The following GALNT1 variants were observed in gnomAD, a reference collection of about 807,000 sequenced individuals.
The protein encoded by GALNT1 is polypeptide N-acetylgalactosaminyltransferase 1, also known as GalNAc transferase 1.
In GALNT1, 17 loss-of-function variants were observed where a neutral mutation model predicts 65.7. The ratio of observed to expected loss-of-function variants is 0.26; its 90% CI spans 0.18 to 0.39. The LOEUF (loss-of-function observed/expected upper bound fraction) is 0.39. Ranked by LOEUF, GALNT1 falls within the 10% of genes least tolerant of loss-of-function variation. The pLI, the probability that GALNT1 is intolerant of heterozygous loss-of-function variation, is 1.00. For missense variants in GALNT1, 460 were observed against 672.8 expected (o/e 0.68, Z 3.50); for synonymous variants, 210 against 219.7 (o/e 0.96, Z 0.39).
At chr18:35,659,242 A>T (rs1292795190) in intron 2 of GALNT1, among the ~76,000 whole-genome samples, 2 of 152,118 alleles carry the variant, frequency 1.3e-5, no homozygotes, top group African/African-American at 4.8e-5. Flanking sequence ...AATAGAATGG[A>T]TTGATGTCAT....
chr18:35,635,833 T>C (rs1039531946), intron 1 of GALNT1, among the ~76,000 whole-genome samples: 1 of 152,154 alleles, frequency 6.6e-6, no homozygotes, highest in Non-Finnish European at 1.5e-5. Context: ...TAATGATATG[T>C]GTTATGTTAA....
At chr18:35,635,327 CCAGCT>C (rs2047074907) in intron 1 of GALNT1, among the ~76,000 whole-genome samples, 1 of 152,144 alleles carries the variant, frequency 6.6e-6, no homozygotes, top group Admixed American at 6.6e-5. Flanking sequence ...TACCATATGA[CCAGCT>C]CTGGTAACTG....
chr18:35,625,827 T>C (rs565610470), intron 1 of GALNT1, among the ~76,000 whole-genome samples: 9 of 152,256 alleles, frequency 5.9e-5, no homozygotes, highest in African/African-American at 2.2e-4. Flanking sequence ...TCCAACGCAG[T>C]GTTCTCTTGT....
chr18:35,671,828 A>G (rs73948113), intron 3 of GALNT1, among the ~76,000 whole-genome samples: 2,587 of 152,302 alleles, frequency 0.017, 41 homozygotes, highest in African/African-American at 0.032. Flanking sequence ...TTCAGTGCAC[A>G]TAGTATACTT....
At chr18:35,638,655 C>T (rs763688946) in intron 1 of GALNT1, among the ~76,000 whole-genome samples, 3 of 152,186 alleles carry the variant, frequency 2.0e-5, no homozygotes, top group African/African-American at 7.2e-5. Flanking sequence ...TAAAATCTCC[C>T]GGCCTTCCAA....
At chr18:35,593,669 G>A (rs147470038) in intron 1 of GALNT1, among the ~76,000 whole-genome samples, 4 of 152,044 alleles carry the variant, frequency 2.6e-5, no homozygotes, top group Non-Finnish European at 2.9e-5. Flanking sequence ...AGTCAGTGGT[G>A]GCAGATAATT....
intron 1 of GALNT1, among the ~76,000 whole-genome samples, chr18:35,599,751 T>G (rs1017289849): frequency 6.6e-6 from 1 of 152,210 alleles, no homozygotes; most frequent in Non-Finnish European, 1.5e-5. Context: ...TATGGTCATA[T>G]AGTTTTCCCA....
intron 1 of GALNT1, among the ~76,000 whole-genome samples, chr18:35,632,503 A>G (rs1196474591): frequency 6.6e-6 from 1 of 152,216 alleles, no homozygotes; most frequent in Non-Finnish European, 1.5e-5. Flanking sequence ...CCATATGTAG[A>G]AAGCTGAAAC....
intron 8 of GALNT1, 108 bp from the exon 9 acceptor site, chr18:35,692,073 C>T: frequency 3.3e-6 from 3 of 913,864 alleles, no homozygotes; most frequent in Non-Finnish European, 5.0e-6. Context: ...CACATATCAC[C>T]CAGCTGATAC....
chr18:35,581,746 C>T lies in GALNT1; in HGVS notation c.-220C>T, dbSNP rs1293289159. On this transcript the variant is annotated 5_prime_UTR_variant, in exon 1 of 12. Coordinates refer to ENST00000269195, the MANE Select transcript of GALNT1 (RefSeq NM_020474.4). ...CGCCGGGGGAGCCGCCGGCAGTGGCCGAGGAGCGCGCGGCGGACGGCGGCC... is the reference window on the plus strand; with the variant it reads ...CGCCGGGGGAGCCGCCGGCAGTGGCTGAGGAGCGCGCGGCGGACGGCGGCC... 6 of 212 alleles carry T rather than the reference C, an allele frequency of 0.028. No individual in the cohort carries two copies. Among genetic ancestry groups the T allele is most frequent in the Admixed American group, 0.037 (3 of 82 alleles). The allele number at this position is 212 out of a possible 1,614,324, so 0.0% of individuals were successfully genotyped here. A position where few individuals can be genotyped will look rare whatever the true frequency, so the allele number is the denominator to read the frequency against.
At chr18:35,655,548 A>C (rs1167384953) in intron 2 of GALNT1, among the ~76,000 whole-genome samples, 1 of 151,140 alleles carries the variant, frequency 6.6e-6, no homozygotes, top group African/African-American at 2.4e-5. Flanking sequence ...CTGCATTGCA[A>C]GAGTCAGTAA....
chr18:35,598,430 A>C (rs758841594), intron 1 of GALNT1, among the ~76,000 whole-genome samples: 1 of 151,346 alleles, frequency 6.6e-6, no homozygotes, highest in Non-Finnish European at 1.5e-5. Context: ...TTCACTCTCT[A>C]CCTCTGTGAG....
chr18:35,685,379 A>G (rs546117533), intron 5 of GALNT1, among the ~76,000 whole-genome samples: 27 of 152,278 alleles, frequency 1.8e-4, no homozygotes, highest in African/African-American at 4.6e-4. Flanking sequence ...TCACTCCCAT[A>G]GATAATGAAA....
At chr18:35,596,567 T>C (rs2046507730) in intron 1 of GALNT1, 1 of 152,260 alleles carries the variant, frequency 6.6e-6, no homozygotes, top group African/African-American at 2.4e-5. Flanking sequence ...TGTAGATACC[T>C]GAGAGTGAGT....
rs1353856605 is a variant in GALNT1, at chr18:35,691,031, C to A, written c.998C>A (p.Thr333Asn). The A allele has an allele frequency of 6.2e-7, 1 of 1,602,750 alleles. No individual in the cohort carries two copies. The highest frequency in any genetic ancestry group is 1.1e-5 in the South Asian group (1 of 88,770). The change falls in exon 8 of 12, where the codon ACT becomes AAT. Residue 333 changes from threonine to asparagine, a missense_variant. Physicochemically the swap from Thr to Asn is moderately conservative, Grantham distance 65. Transcript: ENST00000269195. ...TTTCAGATTTGGCAGTGTGGAGGAA[C>A]TTTGGAAATTGTTACATGCTCACAT... ...ISFRIWQCGG[T>N]LEIVTCSHVG... is the part of the protein sequence containing the mutation.
At chr18:35,616,472 C>A (rs1375713242) in intron 1 of GALNT1, among the ~76,000 whole-genome samples, 2 of 152,116 alleles carry the variant, frequency 1.3e-5, no homozygotes, top group Admixed American at 1.3e-4. Context: ...TAATTTATAT[C>A]TCTATTAAAA....
At chr18:35,697,880 T>A (rs776868954) in intron 9 of GALNT1, among the ~76,000 whole-genome samples, 10 of 152,324 alleles carry the variant, frequency 6.6e-5, no homozygotes, top group Admixed American at 6.5e-5. Flanking sequence ...TAAGGAAAGA[T>A]GAGTTAATCA....
chr18:35,690,571 T>C (rs1226670807), intron 7 of GALNT1, among the ~76,000 whole-genome samples: 5 of 152,204 alleles, frequency 3.3e-5, no homozygotes, highest in African/African-American at 1.2e-4. Flanking sequence ...GTTAGAAAAA[T>C]ACTGCTCTAG....
chr18:35,616,498 T>C (rs1486382125), intron 1 of GALNT1, among the ~76,000 whole-genome samples: 1 of 152,192 alleles, frequency 6.6e-6, no homozygotes. Context: ...ATAGCTGTTA[T>C]TGCTTTGGAC....
Sources: allele counts gnomAD v4.1 joint callset (sites outside exome capture counted in the v4.1 genomes callset), GRCh38; gene constraint gnomAD v4.1.1; transcripts MANE v1.5; gene names NCBI Gene and HGNC (gene_info 2026-07-23, HGNC 2026-07-21).